The following GRM8 variants were observed in gnomAD, a reference collection of about 807,000 sequenced individuals.
GRM8 encodes glutamate metabotropic receptor 8, also known as metabotropic glutamate receptor 8.
GRM8 carries 47 observed loss-of-function variants against 87.2 expected under a neutral mutation model. The observed-to-expected ratio is 0.54, with a 90% CI of 0.43 to 0.69. The LOEUF (loss-of-function observed/expected upper bound fraction) is 0.69. GRM8 is among the 30% of genes least tolerant of loss of function. The pLI, the probability that GRM8 is intolerant of heterozygous loss-of-function variation, is 0.00. For missense variants in GRM8, 1,019 were observed against 1,139.2 expected (o/e 0.89, Z 1.52); for synonymous variants, 396 against 404.5 (o/e 0.98, Z 0.25).
intron 6 of GRM8, among the ~76,000 whole-genome samples, chr7:126,819,170 A>T (rs1384921838): frequency 6.6e-6 from 1 of 152,068 alleles, no homozygotes; most frequent in Non-Finnish European, 1.5e-5. Context: ...CAAGCAAGAG[A>T]GTCACACACA....
At chr7:126,793,850 A>C (rs912925944) in intron 6 of GRM8, among the ~76,000 whole-genome samples, 2 of 152,212 alleles carry the variant, frequency 1.3e-5, no homozygotes, top group African/African-American at 4.8e-5. Context: ...ACCAAAGACT[A>C]CACTAACTAA....
intron 7 of GRM8, among the ~76,000 whole-genome samples, chr7:126,616,983 T>A (rs1799570914): frequency 6.6e-6 from 1 of 152,066 alleles, no homozygotes. Context: ...CTGAAAATAT[T>A]CCAATCAATA....
chr7:127,143,363 C>T (rs991973181), intron 2 of GRM8, among the ~76,000 whole-genome samples: 4 of 152,128 alleles, frequency 2.6e-5, no homozygotes, highest in African/African-American at 7.2e-5. Flanking sequence ...AACTACACAT[C>T]TACCTCTGTT....
intron 3 of GRM8, among the ~76,000 whole-genome samples, chr7:126,965,539 CATT>C (rs1310299040): frequency 1.3e-5 from 2 of 152,100 alleles, no homozygotes; most frequent in African/African-American, 4.8e-5. Context: ...TAAAAGTTTT[CATT>C]ATTATTTAAA....
intron 8 of GRM8, among the ~76,000 whole-genome samples, chr7:126,605,505 T>C (rs551400018): frequency 6.6e-6 from 1 of 152,288 alleles, no homozygotes; most frequent in Admixed American, 6.5e-5. Context: ...AAAAGAATAA[T>C]CTACTTATTT....
chr7:126,578,885 T>C (rs1313412925), intron 8 of GRM8, among the ~76,000 whole-genome samples: 2 of 152,152 alleles, frequency 1.3e-5, no homozygotes, highest in Non-Finnish European at 2.9e-5. Context: ...TCTCTTCCCA[T>C]CCTGGCCTCA....
At chr7:126,518,113 C>T (rs1812440367) in intron 9 of GRM8, among the ~76,000 whole-genome samples, 1 of 151,954 alleles carries the variant, frequency 6.6e-6, no homozygotes, top group Non-Finnish European at 1.5e-5. Flanking sequence ...CTTTTTTAGC[C>T]ATTGAGGCAG....
intron 9 of GRM8, among the ~76,000 whole-genome samples, 182 bp downstream of exon 9, chr7:126,532,764 GATATAT>G (rs521): frequency 7.8e-4 from 87 of 110,910 alleles, no homozygotes; most frequent in Middle Eastern, 4.4e-3. Flanking sequence ...GACGGATGGA[GATATAT>G]ATATATATAT....
chr7:126,878,982 G>C (rs1242122262), intron 6 of GRM8, among the ~76,000 whole-genome samples: 1 of 151,988 alleles, frequency 6.6e-6, no homozygotes, highest in Non-Finnish European at 1.5e-5. Flanking sequence ...GCCCAATATG[G>C]GGAAACCCCG....
At chr7:126,508,049 G>T (rs762685176) in intron 9 of GRM8, among the ~76,000 whole-genome samples, 33 of 152,024 alleles carry the variant, frequency 2.2e-4, no homozygotes, top group Non-Finnish European at 4.4e-4. Context: ...AACAAGTGAA[G>T]ATGTTCAATA....
chr7:127,002,441 T>C (rs1474122265), intron 3 of GRM8, among the ~76,000 whole-genome samples: 4 of 151,638 alleles, frequency 2.6e-5, no homozygotes, highest in Non-Finnish European at 4.4e-5. Context: ...TCTACTGCAA[T>C]GTACATATCC....
intron 3 of GRM8, among the ~76,000 whole-genome samples, chr7:126,915,511 G>A (rs986112712): frequency 9.2e-5 from 14 of 152,246 alleles, no homozygotes; most frequent in Middle Eastern, 3.4e-3. Context: ...TCCTCAAGGG[G>A]GATATAGAGT....
chr7:126,460,135 G>A (rs1205018577), intron 9 of GRM8, among the ~76,000 whole-genome samples: 2 of 151,518 alleles, frequency 1.3e-5, no homozygotes, highest in African/African-American at 2.4e-5. Flanking sequence ...TCTCAGACAT[G>A]ACATTTAGAA....
chr7:126,665,963 C>T (rs1805718401), intron 7 of GRM8, among the ~76,000 whole-genome samples: 1 of 151,850 alleles, frequency 6.6e-6, no homozygotes, highest in Non-Finnish European at 1.5e-5. Flanking sequence ...AAAGAGGAAA[C>T]ATGGGTTTTT....
chr7:126,566,459 G>A (rs571475459), intron 8 of GRM8, among the ~76,000 whole-genome samples: 203 of 152,238 alleles, frequency 1.3e-3, no homozygotes, highest in Non-Finnish European at 2.4e-3. Flanking sequence ...GCATAATCAG[G>A]AAAATGCAAA....
At chr7:127,137,095 A>G (rs962453368) in intron 2 of GRM8, among the ~76,000 whole-genome samples, 2 of 152,144 alleles carry the variant, frequency 1.3e-5, no homozygotes, top group African/African-American at 4.8e-5. Flanking sequence ...GTTAAAAACC[A>G]GCTATGTGAT....
chr7:126,744,089 T>C (rs1308441096), intron 7 of GRM8, among the ~76,000 whole-genome samples: 1 of 152,026 alleles, frequency 6.6e-6, no homozygotes, highest in Non-Finnish European at 1.5e-5. Flanking sequence ...AATTTATTGA[T>C]TAAAACCTTG....
intron 2 of GRM8, among the ~76,000 whole-genome samples, chr7:127,165,568 G>A (rs1793404446): frequency 6.6e-6 from 1 of 151,914 alleles, no homozygotes; most frequent in Non-Finnish European, 1.5e-5. Context: ...TCCTAATACT[G>A]ACCTAATTTT....
chr7:126,455,966 A>C (rs2150501356), intron 9 of GRM8, among the ~76,000 whole-genome samples: 1 of 151,862 alleles, frequency 6.6e-6, no homozygotes, highest in Admixed American at 6.6e-5. Flanking sequence ...TGTGGAATTA[A>C]AATTATTGTT....
Sources: gnomAD v4.1 joint callset for allele counts (sites outside exome capture counted in the v4.1 genomes callset) on GRCh38, gnomAD v4.1.1 for gene constraint, MANE v1.5 for transcripts, NCBI Gene and HGNC (gene_info 2026-07-23, HGNC 2026-07-21) for gene names.